The following TMEM178B variants were observed in gnomAD, a reference collection of about 807,000 sequenced individuals.
TMEM178B encodes the protein transmembrane protein 178B.
A neutral mutation model predicts 31.0 loss-of-function variants in TMEM178B; 5 were observed. The ratio of observed to expected loss-of-function variants is 0.16; its 90% CI spans 0.08 to 0.34. TMEM178B has a LOEUF of 0.34. Among genes scored for constraint, TMEM178B ranks in the 10% least tolerant of loss-of-function variants. TMEM178B has a pLI of 1.00. For synonymous variants in TMEM178B, 164 were observed against 164.0 expected (o/e 1.00, Z 0.00); for missense variants, 275 against 400.3 (o/e 0.69, Z 2.67).
At chr7:141,321,303 G>A (rs1799094285) in intron 2 of TMEM178B, among the ~76,000 whole-genome samples, 1 of 152,178 alleles carries the variant, frequency 6.6e-6, no homozygotes, top group Admixed American at 6.5e-5. Flanking sequence ...GATGCCAATG[G>A]CCTTTCTCAA....
At chr7:141,120,743 G>T (rs889169572) in intron 1 of TMEM178B, among the ~76,000 whole-genome samples, 2 of 151,820 alleles carry the variant, frequency 1.3e-5, no homozygotes, top group Non-Finnish European at 2.9e-5. Flanking sequence ...ATCCCTTGAG[G>T]CTAGGAGTTG....
At chr7:141,425,651 T>A (rs1801300204) in intron 2 of TMEM178B, among the ~76,000 whole-genome samples, 1 of 152,200 alleles carries the variant, frequency 6.6e-6, no homozygotes, top group South Asian at 2.1e-4. Flanking sequence ...CGACTCTGCC[T>A]CTTGGTCTTG....
chr7:141,091,667 T>C (rs534643934), intron 1 of TMEM178B, among the ~76,000 whole-genome samples: 23 of 152,334 alleles, frequency 1.5e-4, no homozygotes, highest in Admixed American at 9.1e-4. Flanking sequence ...TATCCCTGCA[T>C]TGAGATCCTT....
intron 2 of TMEM178B, among the ~76,000 whole-genome samples, chr7:141,373,147 G>T (rs1321710873): frequency 6.6e-6 from 1 of 152,170 alleles, no homozygotes; most frequent in Admixed American, 6.5e-5. Flanking sequence ...ATGAGATCTT[G>T]CATATGAAAT....
At chr7:141,222,301 A>G (rs1444107819) in intron 2 of TMEM178B, among the ~76,000 whole-genome samples, 2 of 152,038 alleles carry the variant, frequency 1.3e-5, no homozygotes, top group Admixed American at 6.5e-5. Flanking sequence ...CCAAATCTCT[A>G]TCTTATGTTT....
intron 2 of TMEM178B, among the ~76,000 whole-genome samples, chr7:141,403,193 G>A (rs990293300): frequency 5.9e-5 from 9 of 152,178 alleles, no homozygotes; most frequent in Middle Eastern, 3.2e-3. Context: ...AGAGGTCAGC[G>A]GGGCAGTGGT....
intron 2 of TMEM178B, among the ~76,000 whole-genome samples, chr7:141,244,967 A>G (rs1797700805): frequency 6.6e-6 from 1 of 151,594 alleles, no homozygotes; most frequent in Non-Finnish European, 1.5e-5. Flanking sequence ...GAGAAACCCC[A>G]TCTCTACTAA....
At chr7:141,212,080 G>C (rs117759407) in intron 1 of TMEM178B, among the ~76,000 whole-genome samples, 94 of 152,308 alleles carry the variant, frequency 6.2e-4, no homozygotes, top group African/African-American at 2.2e-3. Flanking sequence ...AGTTCAAAGA[G>C]ACACGGATTG....
At chr7:141,431,907 G>T (rs1201173817) in intron 2 of TMEM178B, among the ~76,000 whole-genome samples, 1 of 152,160 alleles carries the variant, frequency 6.6e-6, no homozygotes, top group Non-Finnish European at 1.5e-5. Context: ...ATAGGTTAAC[G>T]AGAATGGGCA....
intron 2 of TMEM178B, among the ~76,000 whole-genome samples, chr7:141,299,785 T>G (rs1172730520): frequency 6.6e-6 from 1 of 152,210 alleles, no homozygotes; most frequent in South Asian, 2.1e-4. Flanking sequence ...GAGTGACTTC[T>G]TTTATTTGTT....
In TMEM178B at chr7:141,171,017, T is replaced by TACACACACAC. The variant is rs57427295; in HGVS notation, c.383-41535_383-41526dup. On this transcript the variant is annotated intron_variant, in intron 1 of 3. Coordinates refer to ENST00000565468, the MANE Select transcript of TMEM178B (RefSeq NM_001195278.2). The surrounding 1 kb of genome is among the most constrained non-coding windows in gnomAD (Gnocchi z 4.3). Reference sequence around the variant, plus strand: ...GTTCAGACTACACATCACACACACATACACACACACACACACACACACACA... The same window carrying TACACACACAC: ...GTTCAGACTACACATCACACACACATACACACACACACACACACACACACACACACACACA... 1.4e-4 allele frequency among the ~76,000 whole-genome samples: 20 copies of TACACACACAC among 146,156 alleles called. No homozygotes were observed. The highest frequency in any genetic ancestry group is 4.3e-4 in the African/African-American group (17 of 39,664).
chr7:141,302,768 C>T (rs549330540), intron 2 of TMEM178B, among the ~76,000 whole-genome samples: 1 of 152,292 alleles, frequency 6.6e-6, no homozygotes, highest in African/African-American at 2.4e-5. Flanking sequence ...GTGTTAACTA[C>T]CTCCCTGGGA....
At chr7:141,201,419 A>G (rs1015478634) in intron 1 of TMEM178B, among the ~76,000 whole-genome samples, 8 of 152,158 alleles carry the variant, frequency 5.3e-5, no homozygotes, top group African/African-American at 1.9e-4. Flanking sequence ...GCTGGAAGAA[A>G]AGGAGACTTG....
At chr7:141,350,118 G>C (rs1298325604) in intron 2 of TMEM178B, among the ~76,000 whole-genome samples, 3 of 151,966 alleles carry the variant, frequency 2.0e-5, no homozygotes, top group African/African-American at 7.3e-5. Flanking sequence ...AGATGAATAA[G>C]ACACAGTATC....
At chr7:141,374,365 GGCACACACACAT>G (rs1800173404) in intron 2 of TMEM178B, among the ~76,000 whole-genome samples, 1 of 151,954 alleles carries the variant, frequency 6.6e-6, no homozygotes, top group South Asian at 2.1e-4. Context: ...TACTTATTTA[GGCACACACACAT>G]GCACACACAC....
intron 2 of TMEM178B, among the ~76,000 whole-genome samples, chr7:141,433,637 C>T (rs1442422363): frequency 6.6e-6 from 1 of 152,188 alleles, no homozygotes; most frequent in East Asian, 1.9e-4. Flanking sequence ...TCTCATGTAA[C>T]TCAAGAATGC....
chr7:141,456,414 T>C (rs1181853344), intron 3 of TMEM178B, among the ~76,000 whole-genome samples: 1 of 152,170 alleles, frequency 6.6e-6, no homozygotes, highest in African/African-American at 2.4e-5. Context: ...CCCTTGTATG[T>C]TGTAGCTCCC....
At chr7:141,247,674 C>A (rs1404028323) in intron 2 of TMEM178B, among the ~76,000 whole-genome samples, 2 of 152,140 alleles carry the variant, frequency 1.3e-5, no homozygotes, top group Non-Finnish European at 2.9e-5. Flanking sequence ...GAACTTCTAG[C>A]AGATTCTCTA....
At chr7:141,375,679 C>T (rs183438938) in intron 2 of TMEM178B, among the ~76,000 whole-genome samples, 14 of 152,170 alleles carry the variant, frequency 9.2e-5, no homozygotes, top group African/African-American at 2.2e-4. Flanking sequence ...TTGGAGGCTA[C>T]GGTTATTAAA....
Sources: gnomAD v4.1 joint callset for allele counts (sites outside exome capture counted in the v4.1 genomes callset) on GRCh38, gnomAD v4.1.1 for gene constraint, Gnocchi (gnomAD v3.1) non-coding constraint, MANE v1.5 for transcripts, NCBI Gene and HGNC (gene_info 2026-07-23, HGNC 2026-07-21) for gene names.